The following KLHL15 variants were observed in gnomAD, a reference collection of about 807,000 sequenced individuals.
The protein encoded by KLHL15 is kelch-like protein 15.
KLHL15 carries 1 observed loss-of-function variant against 29.3 expected under a neutral mutation model. That is an observed-to-expected ratio of 0.03 (90% CI 0.01 to 0.16). KLHL15 has a LOEUF of 0.16. Among genes scored for constraint, KLHL15 ranks in the 10% least tolerant of loss-of-function variants. The probability of loss-of-function intolerance (pLI) is 1.00; values close to 1 mark genes in which losing one functional copy is unlikely to be tolerated. For synonymous variants in KLHL15, 212 were observed against 184.5 expected, an observed-to-expected ratio of 1.15 and a Z score of -1.21; for missense variants, 215 against 478.5, an observed-to-expected ratio of 0.45 and a Z score of 5.14.
chrX:24,014,601 G>A, intron 2 of KLHL15, among the ~76,000 whole-genome samples: 1 of 111,546 alleles, frequency 9.0e-6, no homozygotes. Flanking sequence ...GAGAAGCAGT[G>A]GGGGAAAAAA....
At chrX:24,001,983 C>A (rs1245980858) in intron 3 of KLHL15, among the ~76,000 whole-genome samples, 22 of 103,509 alleles carry the variant, frequency 2.1e-4, no homozygotes, top group South Asian at 1.7e-3. Context: ...AATACAAAAA[C>A]TTAGCCGGGC....
intron 2 of KLHL15, among the ~76,000 whole-genome samples, chrX:24,013,564 T>C (rs757266205): frequency 3.6e-5 from 4 of 111,300 alleles, no homozygotes; most frequent in South Asian, 3.8e-4. Flanking sequence ...ACACCCAGGC[T>C]TGAATTATTT....
chrX:23,986,034 TA>T lies in KLHL15; in HGVS notation c.*1886del, dbSNP rs1249978712. On this transcript the variant is annotated 3_prime_UTR_variant, in exon 4 of 4. Coordinates refer to ENST00000328046, the MANE Select transcript of KLHL15 (RefSeq NM_030624.3). ...ACTGTAAGTAAATGACAGGACTAGTTAATGAAAATATAAGTCTCATATATAA... is the reference window on the plus strand; with the variant it reads ...ACTGTAAGTAAATGACAGGACTAGTTATGAAAATATAAGTCTCATATATAA... The T allele has an allele frequency of 3.6e-5, 4 of 111,576 alleles. No individual in the cohort carries two copies. The Admixed American group carries it at 3.8e-4, about 11-fold the overall frequency. 9.2% of individuals were successfully genotyped at this position (111,576 alleles called of 1,213,427 possible). A position where few individuals can be genotyped will look rare whatever the true frequency, so the allele number is the denominator to read the frequency against.
chrX:24,022,465 C>T (rs1419416047), intron 2 of KLHL15, among the ~76,000 whole-genome samples: 1 of 107,973 alleles, frequency 9.3e-6, no homozygotes, highest in African/African-American at 3.4e-5. Context: ...GAAACCCCGT[C>T]TCTACTAAAA....
At chrX:24,025,457 G>T (rs1433822553) in intron 1 of KLHL15, among the ~76,000 whole-genome samples, 1 of 105,819 alleles carries the variant, frequency 9.5e-6, no homozygotes. Flanking sequence ...GGGAGGCGGG[G>T]CTGGCCGGCA....
chrX:24,000,921 C>T (rs905867745), intron 3 of KLHL15, among the ~76,000 whole-genome samples: 8 of 112,263 alleles, frequency 7.1e-5, no homozygotes, highest in African/African-American at 2.3e-4. Context: ...CAATAAATGT[C>T]CCCCATTTTA....
chrX:23,989,468 C>A (rs1929040903), intron 3 of KLHL15, among the ~76,000 whole-genome samples: 1 of 111,934 alleles, frequency 8.9e-6, no homozygotes, highest in Admixed American at 9.5e-5. Flanking sequence ...AGCCACTGCA[C>A]TGGGCCTCCT....
intron 1 of KLHL15, among the ~76,000 whole-genome samples, chrX:24,025,339 A>AGGCGGGAAAGG (rs1185953968): frequency 1.1e-5 from 1 of 90,457 alleles, no homozygotes; most frequent in African/African-American, 4.0e-5. Flanking sequence ...GGGTGGAGGA[A>AGGCGGGAAAGG]GGCGGGAAAG....
At chrX:23,996,593 G>A (rs759820794) in intron 3 of KLHL15, among the ~76,000 whole-genome samples, 28 of 111,349 alleles carry the variant, frequency 2.5e-4, no homozygotes, top group Non-Finnish European at 4.7e-4. Context: ...ATCCCGGGAG[G>A]CAGAGGTTGC....
At chrX:24,015,282 TTA>T (rs1366638238) in intron 2 of KLHL15, among the ~76,000 whole-genome samples, 2 of 112,132 alleles carry the variant, frequency 1.8e-5, no homozygotes. Flanking sequence ...CTCATTCTTT[TTA>T]TATGATTTTG....
At position 23,995,757 on chromosome X, in the gene KLHL15, G is replaced by C. The variant is rs778714547; in HGVS notation, c.706-6727C>G. On this transcript the variant is annotated intron_variant, in intron 3 of 3. Transcript: ENST00000328046. ...CCAATTTAAGATACACTTTTTGAAA[G>C]AAAAAAAAAATTGAGACGGATTTCA... is the stretch of plus-strand genomic sequence containing the variant. Among the ~76,000 whole-genome samples the C allele has an allele frequency of 7.6e-3, 792 of 104,266 alleles. 5 individuals are homozygous for C. Among genetic ancestry groups the C allele is most frequent in the Non-Finnish European group, 0.012 (594 of 50,660 alleles). 90.5% of individuals were successfully genotyped at this position (104,266 alleles called of 115,157 possible).
intron 2 of KLHL15, among the ~76,000 whole-genome samples, chrX:24,011,119 G>A (rs1468301520): frequency 2.0e-5 from 2 of 99,621 alleles, no homozygotes; most frequent in Admixed American, 2.3e-4. Flanking sequence ...TCAACTTCCT[G>A]ACAGATTAAC....
intron 2 of KLHL15, among the ~76,000 whole-genome samples, chrX:24,021,914 G>T (rs1929812852): frequency 9.0e-6 from 1 of 111,291 alleles, no homozygotes; most frequent in East Asian, 2.8e-4. Context: ...CTAAGCTAAA[G>T]ATTCATTCTC....
intron 3 of KLHL15, among the ~76,000 whole-genome samples, chrX:23,991,250 G>C (rs1461311196): frequency 9.2e-6 from 1 of 108,179 alleles, no homozygotes. Context: ...CTACTCAAGA[G>C]GCTGAGGCAG....
intron 2 of KLHL15, among the ~76,000 whole-genome samples, chrX:24,013,146 G>A (rs1393064737): frequency 9.0e-6 from 1 of 111,566 alleles, no homozygotes; most frequent in Non-Finnish European, 1.9e-5. Flanking sequence ...TCCCCAGGCT[G>A]GAGTGCAGTA....
intron 3 of KLHL15, among the ~76,000 whole-genome samples, chrX:23,991,617 G>A (rs1452260826): frequency 2.7e-5 from 3 of 111,139 alleles, no homozygotes; most frequent in African/African-American, 9.8e-5. Context: ...CGAGGCAGGC[G>A]GATCACAAGG....
rs1246660482 is a variant in KLHL15, at chrX:23,985,792, T to C, written c.*2129A>G. On this transcript the variant is annotated 3_prime_UTR_variant, in exon 4 of 4. Transcript: ENST00000328046. ...TGGCCTGATGGCTCTTTCTTGGTCT[T>C]TTCTAGCAAAAGACATCAATGAGGA... The C allele has an allele frequency of 8.9e-6, 1 of 112,304 alleles. No individual in the cohort carries two copies. The highest frequency in any genetic ancestry group is 3.2e-5 in the African/African-American group (1 of 30,950). The allele number at this position is 112,304 out of a possible 1,213,427, so 9.3% of individuals were successfully genotyped here. A position where few individuals can be genotyped will look rare whatever the true frequency, so the allele number is the denominator to read the frequency against.
At chrX:23,996,145 G>A (rs895707233) in intron 3 of KLHL15, among the ~76,000 whole-genome samples, 1 of 112,156 alleles carries the variant, frequency 8.9e-6, no homozygotes, top group African/African-American at 3.2e-5. Context: ...GGAAGTGGGG[G>A]AGCAATTCCT....
rs184857632 is a variant in KLHL15 at position 23,998,398 on chromosome X, A to T, written c.705+7591T>A. ...CAGCCTCCCGAGTAGCTGGGACTAC[A>T]GGTGCCCACCACCATGCCCGGCTAA... On this transcript the variant is annotated intron_variant, in intron 3 of 3. Transcript: ENST00000328046. Among the ~76,000 whole-genome samples, 3 of 110,432 alleles carry T rather than the reference A, an allele frequency of 2.7e-5. No individual in the cohort carries two copies. The Admixed American group carries it at 2.9e-4, about 11-fold the overall frequency.
Sources: gnomAD v4.1 joint callset for allele counts (sites outside exome capture counted in the v4.1 genomes callset) on GRCh38, gnomAD v4.1.1 for gene constraint, MANE v1.5 for transcripts, NCBI Gene and HGNC (gene_info 2026-07-23, HGNC 2026-07-21) for gene names.